The following OPCML variants were observed in gnomAD, a reference collection of about 807,000 sequenced individuals.
The protein encoded by OPCML is opioid-binding protein/cell adhesion molecule.
OPCML carries 13 observed loss-of-function variants against 37.8 expected under a neutral mutation model. The observed-to-expected ratio is 0.34, with a 90% confidence interval of 0.22 to 0.55. OPCML has a LOEUF of 0.55. Ranked by LOEUF, OPCML falls within the 20% of genes least tolerant of loss-of-function variation. The probability of loss-of-function intolerance (pLI) is 0.91; values close to 1 mark genes in which losing one functional copy is unlikely to be tolerated. For synonymous variants in OPCML, 176 were observed against 168.8 expected (o/e 1.04, Z -0.33); for missense variants, 341 against 435.6 (o/e 0.78, Z 1.93).
intron 3 of OPCML, among the ~76,000 whole-genome samples, chr11:132,568,051 C>CGTGT (rs151226115): frequency 4.0e-5 from 6 of 149,882 alleles, no homozygotes; most frequent in South Asian, 2.1e-4. Flanking sequence ...TGCGCGCGCG[C>CGTGT]GCGTGTGTGT....
At chr11:133,052,129 A>T (rs1948143540) in intron 1 of OPCML, among the ~76,000 whole-genome samples, 1 of 152,228 alleles carries the variant, frequency 6.6e-6, no homozygotes. Flanking sequence ...TACACCAAAA[A>T]CACTGTTCTG....
chr11:133,178,030 T>C (rs1252078207), intron 1 of OPCML, among the ~76,000 whole-genome samples: 1 of 152,184 alleles, frequency 6.6e-6, no homozygotes. Context: ...AGGATCCGTT[T>C]TGATCAGTCA....
chr11:132,832,526 A>T (rs2136281700), intron 2 of OPCML, among the ~76,000 whole-genome samples: 1 of 152,342 alleles, frequency 6.6e-6, no homozygotes. Context: ...ACATCTCAAT[A>T]GCATTAATCA....
intron 1 of OPCML, among the ~76,000 whole-genome samples, chr11:133,217,880 C>T (rs1470834871): frequency 6.6e-6 from 1 of 152,046 alleles, no homozygotes; most frequent in Non-Finnish European, 1.5e-5. Context: ...TTCATCTTTA[C>T]AGAAAATTTT....
rs5795789 is a variant in OPCML, at chr11:132,554,863, G to GTTTTTTTTTT, written c.380-25687_380-25678dup. 7.8e-5 allele frequency among the ~76,000 whole-genome samples: 5 copies of GTTTTTTTTTT among 64,028 alleles called. 1 individual carries two copies. Among genetic ancestry groups the GTTTTTTTTTT allele is most frequent in the Admixed American group, 5.9e-4 (2 of 3,388 alleles). 42.0% of individuals were successfully genotyped at this position (64,028 alleles called of 152,430 possible). A position where few individuals can be genotyped will look rare whatever the true frequency, so the allele number is the denominator to read the frequency against. Reference sequence around the variant, plus strand: ...ATAAAAGCCATGGGAATGGGGTAAAGTTTTTTTTTTTTTTTTTTTTTTTTT... The same window carrying GTTTTTTTTTT: ...ATAAAAGCCATGGGAATGGGGTAAAGTTTTTTTTTTTTTTTTTTTTTTTTTTTTTTTTTTT... On this transcript the variant is annotated intron_variant, in intron 3 of 7. Transcript: ENST00000524381.
intron 3 of OPCML, among the ~76,000 whole-genome samples, chr11:132,638,347 A>G (rs2135714929): frequency 6.6e-6 from 1 of 152,134 alleles, no homozygotes; most frequent in African/African-American, 2.4e-5. Context: ...TAACAGAAAA[A>G]AAGTCATATT....
chr11:132,912,170 CAAAT>C (rs1213272397), intron 2 of OPCML, among the ~76,000 whole-genome samples: 2 of 148,942 alleles, frequency 1.3e-5, no homozygotes, highest in Non-Finnish European at 1.5e-5. Flanking sequence ...AAAAAAAAGA[CAAAT>C]AAATAGCTAA....
intron 1 of OPCML, among the ~76,000 whole-genome samples, chr11:133,313,251 T>C (rs1943110081): frequency 6.6e-6 from 1 of 152,238 alleles, no homozygotes; most frequent in Non-Finnish European, 1.5e-5. Context: ...ATGTATTTGA[T>C]AAATGAATGA....
In OPCML at chr11:132,832,387, T is replaced by C. The variant is rs1280626158; in HGVS notation, c.146+110539A>G. On this transcript the variant is annotated intron_variant, in intron 2 of 7. Transcript: ENST00000524381. Reference sequence around the variant, plus strand: ...GAAAGAGACCTAGACTATGTTAAACTTTAGAATCTTTCTCTGACTTCCTCA... The same window carrying C: ...GAAAGAGACCTAGACTATGTTAAACCTTAGAATCTTTCTCTGACTTCCTCA... Among the ~76,000 whole-genome samples the C allele has an allele frequency of 2.0e-5, 3 of 152,216 alleles. No individual in the cohort carries two copies. In the East Asian group the frequency reaches 5.8e-4, roughly 29 times the overall value.
intron 2 of OPCML, among the ~76,000 whole-genome samples, chr11:132,700,241 A>G (rs982797266): frequency 6.6e-6 from 1 of 151,944 alleles, no homozygotes; most frequent in Non-Finnish European, 1.5e-5. Context: ...TTGTCCTTTT[A>G]AAAAACAACT....
At chr11:132,573,341 CT>C (rs1251584419) in intron 3 of OPCML, among the ~76,000 whole-genome samples, 1 of 151,852 alleles carries the variant, frequency 6.6e-6, no homozygotes, top group Non-Finnish European at 1.5e-5. Flanking sequence ...GAGAAAAACA[CT>C]TTTAGTTTTT....
chr11:132,907,429 G>A (rs1270553812), intron 2 of OPCML, among the ~76,000 whole-genome samples: 1 of 151,974 alleles, frequency 6.6e-6, no homozygotes, highest in Non-Finnish European at 1.5e-5. Flanking sequence ...TCAAGAGATC[G>A]AGACCATCCT....
chr11:132,690,841 G>T (rs1374666668), intron 2 of OPCML, among the ~76,000 whole-genome samples: 2 of 152,188 alleles, frequency 1.3e-5, no homozygotes, highest in East Asian at 3.9e-4. Context: ...GGACTATTCT[G>T]TATGTGTTAG....
At chr11:133,293,538 G>A (rs1052123380) in intron 1 of OPCML, among the ~76,000 whole-genome samples, 4 of 152,126 alleles carry the variant, frequency 2.6e-5, no homozygotes, top group African/African-American at 9.7e-5. Context: ...AACTAAATGT[G>A]TAGCATCTCT....
At chr11:132,680,368 G>A (rs1942886969) in intron 2 of OPCML, among the ~76,000 whole-genome samples, 3 of 152,128 alleles carry the variant, frequency 2.0e-5, no homozygotes, top group Non-Finnish European at 4.4e-5. Context: ...GTAACACAAA[G>A]GGCAGGAAAT....
rs568131366 is a variant in OPCML at position 133,444,835 on chromosome 11, G to A, written c.61+87429C>T. On this transcript the variant is annotated intron_variant, in intron 1 of 7. Transcript: ENST00000524381. Reference sequence around the variant, plus strand: ...ATGCAGCTGTATCCATGGTGATCCTGGATGGTGGATGGAGACCACCATACC... The same window carrying A: ...ATGCAGCTGTATCCATGGTGATCCTAGATGGTGGATGGAGACCACCATACC... 2.0e-5 allele frequency among the ~76,000 whole-genome samples: 3 copies of A among 151,732 alleles called. No homozygotes were observed. The South Asian group carries it at 6.3e-4, about 32-fold the overall frequency.
intron 1 of OPCML, among the ~76,000 whole-genome samples, chr11:133,124,961 T>C (rs1436463286): frequency 2.6e-5 from 4 of 152,272 alleles, no homozygotes; most frequent in African/African-American, 7.2e-5. Flanking sequence ...CTTGGACATA[T>C]TGGGCAGTTG....
intron 3 of OPCML, among the ~76,000 whole-genome samples, chr11:132,603,059 A>G (rs1328496374): frequency 6.6e-6 from 1 of 152,162 alleles, no homozygotes; most frequent in Non-Finnish European, 1.5e-5. Context: ...GTACAAATTT[A>G]GTCTTTTTCT....
intron 1 of OPCML, among the ~76,000 whole-genome samples, chr11:133,258,277 TC>T (rs1275524463): frequency 2.6e-5 from 4 of 152,156 alleles, no homozygotes; most frequent in Non-Finnish European, 5.9e-5. Flanking sequence ...GTGGCAAAGA[TC>T]TTTTTATTTC....
Sources: allele counts gnomAD v4.1 joint callset (sites outside exome capture counted in the v4.1 genomes callset), GRCh38; gene constraint gnomAD v4.1.1; transcripts MANE v1.5; gene names NCBI Gene and HGNC (gene_info 2026-07-23, HGNC 2026-07-21).